The following PLPBP variants were observed in gnomAD, a reference collection of about 807,000 sequenced individuals.
The protein encoded by PLPBP is pyridoxal phosphate binding protein.
Under a neutral mutation model 31.2 loss-of-function variants are expected in PLPBP, and 21 were observed. That is an observed-to-expected ratio of 0.67 (90% CI 0.48 to 0.97). The LOEUF is 0.97. Ranked by LOEUF, PLPBP falls within the 50% of genes least tolerant of loss-of-function variation. The probability of loss-of-function intolerance (pLI) is 0.00; values close to 1 mark genes in which losing one functional copy is unlikely to be tolerated. For missense variants in PLPBP, 308 were observed against 354.4 expected (o/e 0.87, Z 1.05); for synonymous variants, 124 against 135.6 (o/e 0.91, Z 0.59).
intron 6 of PLPBP, 124 bp from the exon 7 acceptor site, chr8:37,775,794 C>T: frequency 9.5e-7 from 1 of 1,057,908 alleles, no homozygotes; most frequent in Non-Finnish European, 1.4e-6. Context: ...TAACGTCTGG[C>T]AATTTTGGCA....
rs1804000064 is a variant in PLPBP, at chr8:37,779,220, A to G, written c.*1116A>G. 2.0e-5 allele frequency: 3 copies of G among 152,178 alleles called. No homozygotes were observed. In the South Asian group the frequency reaches 6.2e-4, roughly 31 times the overall value. 9.4% of individuals were successfully genotyped at this position (152,178 alleles called of 1,614,324 possible). On this transcript the variant is annotated 3_prime_UTR_variant, in exon 8 of 8. Coordinates refer to ENST00000328195, the MANE Select transcript of PLPBP (RefSeq NM_007198.4). The stretch of plus-strand genomic sequence containing the variant: ...TGGGACCTACAGTGATGAGAATTTA[A>G]TGATTATCTCCTCCACTATAATCCT...
rs2129825950 is a variant in PLPBP, at chr8:37,779,513, T to A, written c.*1409T>A. ...TCTCTAATAGTCATGACAAATGGCT[T>A]CAGTATGGCTTGTTTTTTATTTTCC... On this transcript the variant is annotated 3_prime_UTR_variant, in exon 8 of 8. Coordinates refer to ENST00000328195, the MANE Select transcript of PLPBP (RefSeq NM_007198.4). 1 of 152,532 alleles carries A rather than the reference T, an allele frequency of 6.6e-6. No homozygotes were observed. Among genetic ancestry groups the A allele is most frequent in the Admixed American group, 6.5e-5 (1 of 15,306 alleles). The allele number at this position is 152,532 out of a possible 1,614,324, so 9.4% of individuals were successfully genotyped here. A position where few individuals can be genotyped will look rare whatever the true frequency, so the allele number is the denominator to read the frequency against.
In PLPBP at chr8:37,767,204, C is replaced by T. The variant is rs552197174; in HGVS notation, c.319+849C>T. Reference sequence around the variant, plus strand: ...CTTTATTAGGGAGGTAAGTGACTTACAATACATTGCACATATTTAAAGTAT... The same window carrying T: ...CTTTATTAGGGAGGTAAGTGACTTATAATACATTGCACATATTTAAAGTAT... On this transcript the variant is annotated intron_variant, in intron 4 of 7. Transcript: ENST00000328195. 3.3e-5 allele frequency among the ~76,000 whole-genome samples: 5 copies of T among 152,222 alleles called. No homozygotes were observed. The East Asian group carries it at 9.6e-4, about 29-fold the overall frequency.
At chr8:37,770,992 T>G (rs1474490555) in intron 4 of PLPBP, among the ~76,000 whole-genome samples, 1 of 152,232 alleles carries the variant, frequency 6.6e-6, no homozygotes, top group Non-Finnish European at 1.5e-5. Flanking sequence ...CCCTTCTGGA[T>G]GATCCGTTAT....
intron 4 of PLPBP, among the ~76,000 whole-genome samples, chr8:37,768,296 C>A (rs1019395716): frequency 6.6e-6 from 1 of 151,986 alleles, no homozygotes; most frequent in African/African-American, 2.4e-5. Context: ...TTGTAAAGTT[C>A]TTAAACTGTG....
chr8:37,771,741 C>A (rs1329193768), intron 4 of PLPBP, among the ~76,000 whole-genome samples: 1 of 152,134 alleles, frequency 6.6e-6, no homozygotes, highest in Non-Finnish European at 1.5e-5. Context: ...GCCAGCAGAT[C>A]ACGAGGTAAG....
chr8:37,769,769 T>A (rs1053261600), intron 4 of PLPBP, among the ~76,000 whole-genome samples: 1 of 152,146 alleles, frequency 6.6e-6, no homozygotes, highest in African/African-American at 2.4e-5. Flanking sequence ...AAAAAACTAT[T>A]ATAACTGAAA....
intron 1 of PLPBP, among the ~76,000 whole-genome samples, chr8:37,764,918 C>T (rs1259063036): frequency 1.3e-5 from 2 of 152,186 alleles, no homozygotes; most frequent in African/African-American, 4.8e-5. Context: ...TGCCTGTAAT[C>T]CCAGCACTTT....
At chr8:37,766,749 TTATAG>T (rs1261150498) in intron 4 of PLPBP, 17 of 772,356 alleles carry the variant, frequency 2.2e-5, no homozygotes, top group Non-Finnish European at 2.7e-5. Context: ...AAATTAAGAA[TTATAG>T]TAAAGTAGGC....
intron 1 of PLPBP, among the ~76,000 whole-genome samples, chr8:37,763,721 A>G (rs770792707): frequency 3.3e-5 from 5 of 152,184 alleles, no homozygotes; most frequent in Non-Finnish European, 5.9e-5. Context: ...GAAAGCGTCA[A>G]TCATCAGCAT....
intron 1 of PLPBP, among the ~76,000 whole-genome samples, chr8:37,764,276 G>C (rs976348922): frequency 6.6e-6 from 1 of 150,852 alleles, no homozygotes; most frequent in East Asian, 1.9e-4. Context: ...CTAATTTTTT[G>C]TGTATTTTTA....
intron 5 of PLPBP, among the ~76,000 whole-genome samples, chr8:37,774,599 G>GTAGTATCTA (rs928298124): frequency 1.3e-5 from 2 of 152,348 alleles, no homozygotes; most frequent in Non-Finnish European, 2.9e-5. Flanking sequence ...TTAGTATGCA[G>GTAGTATCTA]GAACACAGTA....
At chr8:37,765,777 A>T in intron 3 of PLPBP, 31 bp downstream of exon 3, 1 of 1,601,798 alleles carries the variant, frequency 6.2e-7, no homozygotes, top group Non-Finnish European at 8.5e-7. Context: ...TTTAATTTGT[A>T]TCTAAATCTT....
chr8:37,762,714 G>T lies in PLPBP; in HGVS notation c.55G>T (p.Ala19Ser). The T allele has an allele frequency of 6.3e-7, 1 of 1,590,008 alleles. No individual in the cohort carries two copies. The change falls in exon 1 of 8, where the codon GCG becomes TCG. Residue 19 changes from alanine to serine, a missense_variant. Ala to Ser is a moderately conservative substitution (Grantham distance 99). This residue lies in a region of PLPBP where 120 missense variants were observed against 95.1 expected (regional missense o/e 1.26). Transcript: ENST00000328195. ...AELGVGCALRAVNERVQQAVA... is the reference protein window; with the variant it reads ...AELGVGCALRSVNERVQQAVA... ...GCTGGGAGTCGGGTGCGCATTGCGG[G>T]CGGTGAACGAGCGCGTGCAGCAGGC...
chr8:37,778,240 T>A lies in PLPBP; in HGVS notation c.*136T>A. 1 of 1,122,312 alleles carries A rather than the reference T, an allele frequency of 8.9e-7. No individual in the cohort carries two copies. The allele number at this position is 1,122,312 out of a possible 1,614,324, so 69.5% of individuals were successfully genotyped here. ...ATCACGTGTGTTGATGGAAACCATC[T>A]GTGCTTAGTCTCTGACATAGGAAGC... On this transcript the variant is annotated 3_prime_UTR_variant, in exon 8 of 8. Transcript: ENST00000328195.
At position 37,779,518 on chromosome 8, in the gene PLPBP, A is replaced by G. The variant is rs1319488348; in HGVS notation, c.*1414A>G. ...AATAGTCATGACAAATGGCTTCAGT[A>G]TGGCTTGTTTTTTATTTTCCAGATG... On this transcript the variant is annotated 3_prime_UTR_variant, in exon 8 of 8. Transcript: ENST00000328195. 6.6e-6 allele frequency: 1 copy of G among 152,400 alleles called. No individual in the cohort carries two copies. Among genetic ancestry groups the G allele is most frequent in the African/African-American group, 2.4e-5 (1 of 41,458 alleles). 9.4% of individuals were successfully genotyped at this position (152,400 alleles called of 1,614,324 possible).
chr8:37,765,854 C>A, intron 3 of PLPBP, 108 bp downstream of exon 3: 2 of 1,195,146 alleles, frequency 1.7e-6, no homozygotes, highest in Non-Finnish European at 1.2e-6. Flanking sequence ...GGGTGGTTGA[C>A]TTTAGATTGG....
chr8:37,765,958 G>T (rs532293787), intron 3 of PLPBP, among the ~76,000 whole-genome samples: 2 of 152,180 alleles, frequency 1.3e-5, no homozygotes, highest in Admixed American at 1.3e-4. Context: ...CTCATTGGTG[G>T]CTGTTTGGAA....
chr8:37,763,041 G>A (rs1032073032), intron 1 of PLPBP, among the ~76,000 whole-genome samples: 2 of 152,174 alleles, frequency 1.3e-5, no homozygotes, highest in African/African-American at 4.8e-5. Context: ...GCGTCGTTTC[G>A]GGGTCGATAG....
Sources: allele counts gnomAD v4.1 joint callset (sites outside exome capture counted in the v4.1 genomes callset), GRCh38; gene constraint gnomAD v4.1.1; regional missense constraint gnomAD v4.1.1; transcripts MANE v1.5; gene names NCBI Gene and HGNC (gene_info 2026-07-23, HGNC 2026-07-21).